The following KANK2 variants were observed in gnomAD, a reference collection of about 807,000 sequenced individuals.
KANK2 encodes KN motif and ankyrin repeat domains 2.
In KANK2, 41 loss-of-function variants were observed where a neutral mutation model predicts 74.6. The ratio of observed to expected loss-of-function variants is 0.55; its 90% CI spans 0.43 to 0.71. The LOEUF is 0.71. KANK2 is among the 30% of genes least tolerant of loss of function. The pLI, the probability that KANK2 is intolerant of heterozygous loss-of-function variation, is 0.00. For synonymous variants in KANK2, 537 were observed against 519.0 expected (o/e 1.03, Z -0.47); for missense variants, 1,148 against 1,196.4 (o/e 0.96, Z 0.60).
At chr19:11,192,787 C>T (rs763897410) in intron 4 of KANK2, 44 bp downstream of exon 4, 9 of 1,570,862 alleles carry the variant, frequency 5.7e-6, no homozygotes, top group Non-Finnish European at 7.8e-6. Context: ...AAAGAGGCCC[C>T]CCCCCCCCAA....
Position 11,170,503 on chromosome 19 carries a change from G to A in KANK2, c.2212-255C>T. On this transcript the variant is annotated intron_variant, in intron 10 of 12. Transcript: ENST00000586659. The surrounding 1 kb of genome is among the most constrained non-coding windows in gnomAD (Gnocchi z 5.2). ...GAAATGATGGATACAGGTTTCCTTT[G>A]GGGGTGAAGAGAACGTTCTGGAACT... 1 of 558,794 alleles carries A rather than the reference G, an allele frequency of 1.8e-6. No homozygotes were observed. The highest frequency in any genetic ancestry group is 3.2e-6 in the Non-Finnish European group (1 of 311,178). 34.6% of individuals were successfully genotyped at this position (558,794 alleles called of 1,614,324 possible). A position where few individuals can be genotyped will look rare whatever the true frequency, so the allele number is the denominator to read the frequency against.
rs753812923 is a variant in KANK2, at chr19:11,166,415, A to G, written c.*143T>C. ...GTGGCCGTCGGGGCTCCCCCAGGGA[A>G]GCAGAGGGAGAGCTCGCTTGCCTTT... On this transcript the variant is annotated 3_prime_UTR_variant, in exon 13 of 13. Coordinates refer to ENST00000586659, the MANE Select transcript of KANK2 (RefSeq NM_001136191.3). 8 of 713,126 alleles carry G rather than the reference A, an allele frequency of 1.1e-5. No individual in the cohort carries two copies. The highest frequency in any genetic ancestry group is 1.9e-5 in the Non-Finnish European group (8 of 420,624). 44.2% of individuals were successfully genotyped at this position (713,126 alleles called of 1,614,324 possible). A position where few individuals can be genotyped will look rare whatever the true frequency, so the allele number is the denominator to read the frequency against.
intron 4 of KANK2, among the ~76,000 whole-genome samples, chr19:11,190,049 T>C (rs1260844769): frequency 6.6e-6 from 1 of 152,190 alleles, no homozygotes; most frequent in East Asian, 1.9e-4. Flanking sequence ...TCTGGCCACC[T>C]GACATTTGAG....
intron 12 of KANK2, among the ~76,000 whole-genome samples, chr19:11,167,252 A>G (rs926248725): frequency 6.6e-6 from 1 of 151,762 alleles, no homozygotes; most frequent in Admixed American, 6.6e-5. Context: ...TTTAGTAGAG[A>G]TGGGGTTTCT....
Position 11,173,478 on chromosome 19 carries a change from G to C in KANK2, c.2069-355C>G, listed in dbSNP as rs145974209. ...GAGTCCTTCATCAGCCCGGGAGGCT[G>C]TCTCCCCCAGTAGGAGAGGGAAGGG... On this transcript the variant is annotated intron_variant, in intron 9 of 12. Transcript: ENST00000586659. 4.7e-3 allele frequency among the ~76,000 whole-genome samples: 710 copies of C among 152,222 alleles called. 6 individuals carry two copies. Among genetic ancestry groups the C allele is most frequent in the African/African-American group, 0.017 (687 of 41,536 alleles).
chr19:11,184,924 T>C (rs1417973854), intron 4 of KANK2, among the ~76,000 whole-genome samples: 3 of 148,174 alleles, frequency 2.0e-5, no homozygotes, highest in East Asian at 3.9e-4. Context: ...GTGATTCTCC[T>C]GCCTCAGCCT....
chr19:11,169,179 A>C (rs930062675), intron 12 of KANK2, among the ~76,000 whole-genome samples: 5 of 152,090 alleles, frequency 3.3e-5, no homozygotes, highest in Non-Finnish European at 7.4e-5. Context: ...CTCTACTAAA[A>C]ATACAAAAAT....
At chr19:11,173,548 A>C (rs893608924) in intron 9 of KANK2, among the ~76,000 whole-genome samples, 2 of 152,200 alleles carry the variant, frequency 1.3e-5, no homozygotes, top group African/African-American at 2.4e-5. Flanking sequence ...TCCAAGCCCC[A>C]GACTTGAGGA....
At chr19:11,189,002 C>T (rs1322964077) in intron 4 of KANK2, among the ~76,000 whole-genome samples, 1 of 149,380 alleles carries the variant, frequency 6.7e-6, no homozygotes, top group African/African-American at 2.5e-5. Context: ...AAAAAAAATG[C>T]TCCTTTGAGA....
chr19:11,191,389 G>A (rs2078840751), intron 4 of KANK2, among the ~76,000 whole-genome samples: 1 of 152,190 alleles, frequency 6.6e-6, no homozygotes, highest in Non-Finnish European at 1.5e-5. Flanking sequence ...GGGACCTCAG[G>A]ACAACCCAGC....
chr19:11,189,182 C>T (rs2078766765), intron 4 of KANK2, among the ~76,000 whole-genome samples: 1 of 150,652 alleles, frequency 6.6e-6, no homozygotes. Flanking sequence ...GCCTCGACCC[C>T]CTGGGCTCAA....
rs528739142 is a variant in KANK2 at position 11,172,207 on chromosome 19, C to A, written c.2211+774G>T. Among the ~76,000 whole-genome samples the A allele has an allele frequency of 7.5e-4, 114 of 151,876 alleles. 2 individuals carry two copies. Among genetic ancestry groups the A allele is most frequent in the Admixed American group, 6.8e-3 (104 of 15,228 alleles). On this transcript the variant is annotated intron_variant, in intron 10 of 12. Coordinates refer to ENST00000586659, the MANE Select transcript of KANK2 (RefSeq NM_001136191.3). ...GGTCAGGCTGGTCTTGAACTTCTGA[C>A]CTCAGGTGATCCACCCACCTCAGCC...
At position 11,193,087 on chromosome 19, in the gene KANK2, C is replaced by T; in HGVS notation, c.993G>A (p.Arg331=). Residue 331 remains arginine (R), a synonymous_variant, in exon 4 of 13, where the codon CGG becomes CGA. Transcript: ENST00000586659. This position sits in a 1 kb window ranked among gnomAD's most constrained non-coding sequence, Gnocchi z 9.6. ...PDSPVRVDTV[R]VVEGPREVEV... ...CCACCTCCCGTGGCCCTTCTACCAC[C>T]CGGACTGTATCCACGCGGACCGGGC... The T allele has an allele frequency of 6.2e-7, 1 of 1,609,572 alleles. No individual in the cohort carries two copies. The highest frequency in any genetic ancestry group is 1.1e-5 in the South Asian group (1 of 90,726).
intron 8 of KANK2, 77 bp downstream of exon 8, chr19:11,175,825 G>A (rs1402086468): frequency 9.9e-7 from 1 of 1,006,856 alleles, no homozygotes; most frequent in African/African-American, 1.6e-5. Flanking sequence ...AAGTCACTGA[G>A]GATGAGGAGA....
At chr19:11,168,229 C>A (rs949973368) in intron 12 of KANK2, among the ~76,000 whole-genome samples, 1 of 151,734 alleles carries the variant, frequency 6.6e-6, no homozygotes, top group African/African-American at 2.4e-5. Flanking sequence ...GTCTTGAACC[C>A]CTTATCTCAA....
At chr19:11,174,371 A>G (rs942253627) in intron 9 of KANK2, 102 bp downstream of exon 9, 3 of 945,742 alleles carry the variant, frequency 3.2e-6, no homozygotes, top group African/African-American at 3.2e-5. Flanking sequence ...CTCCTCCATC[A>G]TCTTCCCCAT....
intron 12 of KANK2, among the ~76,000 whole-genome samples, chr19:11,167,521 G>A (rs2078055505): frequency 6.7e-6 from 1 of 150,332 alleles, no homozygotes; most frequent in Non-Finnish European, 1.5e-5. Context: ...GCACCACCAG[G>A]CCCAGCTAAT....
chr19:11,189,098 T>TCCCCCCCCC (rs71297565), intron 4 of KANK2, among the ~76,000 whole-genome samples: 49 of 126,558 alleles, frequency 3.9e-4, no homozygotes, highest in South Asian at 5.2e-4. Context: ...ATTGATTCTC[T>TCCCCCCCCC]CCCCCCCCAC....
rs1264352410 is a variant in KANK2, at chr19:11,164,307, T to G, written c.*2251A>C. The stretch of plus-strand genomic sequence containing the variant: ...GTAGCTTTATTAAATTTGTTTACCT[T>G]CTAAAAAAAACGATTACAAAAAAGA... On this transcript the variant is annotated 3_prime_UTR_variant, in exon 13 of 13. Transcript: ENST00000586659. 6.6e-6 allele frequency: 1 copy of G among 152,132 alleles called. No homozygotes were observed. Among genetic ancestry groups the G allele is most frequent in the Non-Finnish European group, 1.5e-5 (1 of 68,014 alleles). The allele number at this position is 152,132 out of a possible 1,614,324, so 9.4% of individuals were successfully genotyped here. A position where few individuals can be genotyped will look rare whatever the true frequency, so the allele number is the denominator to read the frequency against.
Sources: gnomAD v4.1 joint callset for allele counts (sites outside exome capture counted in the v4.1 genomes callset) on GRCh38, gnomAD v4.1.1 for gene constraint, Gnocchi (gnomAD v3.1) non-coding constraint, MANE v1.5 for transcripts, NCBI Gene and HGNC (gene_info 2026-07-23, HGNC 2026-07-21) for gene names.